Variants in KAZN observed in about 807,000 individuals in gnomAD.
KAZN encodes kazrin.
A neutral mutation model predicts 87.4 loss-of-function variants in KAZN; 40 were observed. The ratio of observed to expected loss-of-function variants is 0.46; its 90% CI spans 0.36 to 0.60. The LOEUF (loss-of-function observed/expected upper bound fraction) is 0.60, where lower values mean the gene tolerates loss of function less well. Among genes scored for constraint, KAZN ranks in the 20% least tolerant of loss-of-function variants. KAZN has a pLI of 0.00. For synonymous variants in KAZN, 466 were observed against 458.3 expected (o/e 1.02, Z -0.22); for missense variants, 898 against 1,073.9 (o/e 0.84, Z 2.29).
chr1:13,950,066 C>A (rs2100993788), intron 1 of KAZN, among the ~76,000 whole-genome samples: 1 of 152,342 alleles, frequency 6.6e-6, no homozygotes, highest in African/African-American at 2.4e-5. Context: ...TCCAACACAT[C>A]CCCACACCCC....
intron 1 of KAZN, among the ~76,000 whole-genome samples, chr1:14,649,662 C>A (rs1292583578): frequency 6.6e-6 from 1 of 152,176 alleles, no homozygotes; most frequent in Non-Finnish European, 1.5e-5. Flanking sequence ...AGGCGACCAA[C>A]AAAGCCTGTC....
rs2100884869 is a variant in KAZN, at chr1:14,832,656, A to G, written c.227-128028A>G. ...CACAATGCCCTAAAAAAGTTTACAAATTCGTATCGGGCTGCATTCAAAGCC... is the reference window on the plus strand; with the variant it reads ...CACAATGCCCTAAAAAAGTTTACAAGTTCGTATCGGGCTGCATTCAAAGCC... On this transcript the variant is annotated intron_variant, in intron 1 of 14. Transcript: ENST00000376030. Among the ~76,000 whole-genome samples, 3 of 152,320 alleles carry G rather than the reference A, an allele frequency of 2.0e-5. 1 individual carries two copies. The highest frequency in any genetic ancestry group is 2.0e-4 in the Admixed American group (3 of 15,304).
At chr1:14,257,266 T>G (rs991753534) in intron 2 of KAZN, among the ~76,000 whole-genome samples, 1 of 151,442 alleles carries the variant, frequency 6.6e-6, no homozygotes, top group Non-Finnish European at 1.5e-5. Context: ...CATAAATGTC[T>G]TCTTTTGAGA....
At chr1:14,276,352 C>T (rs1397492616) in intron 2 of KAZN, among the ~76,000 whole-genome samples, 1 of 152,052 alleles carries the variant, frequency 6.6e-6, no homozygotes, top group Non-Finnish European at 1.5e-5. Context: ...TATGGTTTTT[C>T]TCTCCTTTAT....
chr1:14,349,952 T>C (rs1257332125), intron 2 of KAZN, among the ~76,000 whole-genome samples: 3 of 151,830 alleles, frequency 2.0e-5, no homozygotes, highest in African/African-American at 7.3e-5. Context: ...CTGGCCAACA[T>C]GGCGAAAACC....
chr1:13,986,366 CCTTAA>C (rs1411096867), intron 1 of KAZN, among the ~76,000 whole-genome samples: 4 of 151,996 alleles, frequency 2.6e-5, no homozygotes, highest in South Asian at 2.1e-4. Flanking sequence ...TTTTCACATT[CCTTAA>C]CTTGCTGCAG....
intron 1 of KAZN, among the ~76,000 whole-genome samples, chr1:14,078,509 T>C (rs1164987260): frequency 1.3e-5 from 2 of 152,168 alleles, no homozygotes; most frequent in Non-Finnish European, 2.9e-5. Context: ...TAACATAAAG[T>C]AGGGGAACTT....
At chr1:14,100,309 G>C (rs532303277) in intron 1 of KAZN, among the ~76,000 whole-genome samples, 1 of 152,276 alleles carries the variant, frequency 6.6e-6, no homozygotes, top group South Asian at 2.1e-4. Context: ...ATTGAAATCC[G>C]CAGCTCGACC....
chr1:14,466,761 G>T (rs2148360255), intron 2 of KAZN, among the ~76,000 whole-genome samples: 1 of 152,010 alleles, frequency 6.6e-6, no homozygotes, highest in East Asian at 1.9e-4. Context: ...GAAGTCAGGA[G>T]ATGGAGACCA....
chr1:14,572,740 C>T lies in KAZN; in HGVS notation c.250-26243C>T, dbSNP rs367608343. ...TTGTGACTTCCTTGGCCCCGCGGAG[C>T]GGCCCCCCACTCCCCTGGAAGAGAA... On this transcript the variant is annotated intron_variant, in intron 2 of 16. Coordinates refer to the KAZN transcript ENST00000636203. Among the ~76,000 whole-genome samples, 10 of 152,220 alleles carry T rather than the reference C, an allele frequency of 6.6e-5. No homozygotes were observed. In the East Asian group the frequency reaches 1.9e-3, roughly 29 times the overall value.
In KAZN at chr1:14,879,610, G is replaced by T. The variant is rs112821105; in HGVS notation, c.227-81074G>T. 3.3e-3 allele frequency among the ~76,000 whole-genome samples: 497 copies of T among 152,238 alleles called. 4 individuals carry two copies. The highest frequency in any genetic ancestry group is 0.011 in the African/African-American group (476 of 41,544). Reference sequence around the variant, plus strand: ...TCAGAAATGGCCTACGAATAGACTCGTTGGCTCAGATTGACTTAAAGCTTC... The same window carrying T: ...TCAGAAATGGCCTACGAATAGACTCTTTGGCTCAGATTGACTTAAAGCTTC... On this transcript the variant is annotated intron_variant, in intron 1 of 14. Coordinates refer to ENST00000376030, the MANE Select transcript of KAZN (RefSeq NM_201628.3).
At chr1:13,906,831 G>A (rs962240854) in intron 1 of KAZN, among the ~76,000 whole-genome samples, 1 of 152,208 alleles carries the variant, frequency 6.6e-6, no homozygotes, top group Non-Finnish European at 1.5e-5. Context: ...ATGCCACCAT[G>A]GGAGAGAGAC....
At chr1:14,408,425 T>TA (rs1294434544) in intron 2 of KAZN, among the ~76,000 whole-genome samples, 1 of 152,214 alleles carries the variant, frequency 6.6e-6, no homozygotes, top group Non-Finnish European at 1.5e-5. Context: ...CCAGATGTAT[T>TA]AGTCAGCTTG....
At chr1:14,512,115 G>T (rs1333889496) in intron 2 of KAZN, among the ~76,000 whole-genome samples, 1 of 152,158 alleles carries the variant, frequency 6.6e-6, no homozygotes, top group African/African-American at 2.4e-5. Flanking sequence ...GAGATTCATA[G>T]AGTATCTTTC....
chr1:14,620,631 A>C (rs1453498504), intron 1 of KAZN, among the ~76,000 whole-genome samples: 1 of 152,052 alleles, frequency 6.6e-6, no homozygotes, highest in Non-Finnish European at 1.5e-5. Flanking sequence ...AATACCAAGA[A>C]GTTTGTAGGG....
intron 2 of KAZN, among the ~76,000 whole-genome samples, chr1:14,247,061 T>TAATTTTTATTTA (rs1186294571): frequency 1.3e-5 from 2 of 152,214 alleles, no homozygotes; most frequent in African/African-American, 2.4e-5. Flanking sequence ...GTCTGACTTT[T>TAATTTTTATTTA]AATTACTTTC....
chr1:15,046,958 C>G (rs762680171), intron 4 of KAZN, among the ~76,000 whole-genome samples: 1 of 152,214 alleles, frequency 6.6e-6, no homozygotes, highest in African/African-American at 2.4e-5. Flanking sequence ...CGAGGACTCC[C>G]TGGGTCTTTC....
At chr1:14,500,748 G>A (rs890539298) in intron 2 of KAZN, among the ~76,000 whole-genome samples, 16 of 152,004 alleles carry the variant, frequency 1.1e-4, no homozygotes, top group Admixed American at 1.0e-3. Flanking sequence ...TGAAAAAGTA[G>A]ACATTACTAC....
chr1:14,235,066 C>T (rs915067447), intron 2 of KAZN, among the ~76,000 whole-genome samples: 3 of 152,172 alleles, frequency 2.0e-5, no homozygotes, highest in African/African-American at 4.8e-5. Context: ...GGTGTATATC[C>T]GTGTGAAAAC....
Sources: gnomAD v4.1 joint callset for allele counts (sites outside exome capture counted in the v4.1 genomes callset) on GRCh38, gnomAD v4.1.1 for gene constraint, MANE v1.5 for transcripts, NCBI Gene and HGNC (gene_info 2026-07-23, HGNC 2026-07-21) for gene names.